ABCC1: variants seen among roughly 807,000 people sequenced by gnomAD.
The protein encoded by ABCC1 is ATP binding cassette subfamily C member 1 (ABCC1 blood group), also known as multidrug resistance-associated protein 1.
A neutral mutation model predicts 172.9 loss-of-function variants in ABCC1; 83 were observed. The ratio of observed to expected loss-of-function variants is 0.48; its 90% CI spans 0.40 to 0.58. The LOEUF is 0.58. Ranked by LOEUF, ABCC1 falls within the 20% of genes least tolerant of loss-of-function variation. The pLI is 0.00. For synonymous variants in ABCC1, 937 were observed against 825.2 expected (o/e 1.14, Z -2.32); for missense variants, 1,817 against 2,002.7 (o/e 0.91, Z 1.77).
chr16:15,963,898 T>G (rs2046190894), intron 1 of ABCC1, among the ~76,000 whole-genome samples: 1 of 152,192 alleles, frequency 6.6e-6, no homozygotes, highest in Admixed American at 6.5e-5. Flanking sequence ...TGAATTTCTC[T>G]TCAGAAAATG....
intron 23 of ABCC1, among the ~76,000 whole-genome samples, chr16:16,117,733 C>G (rs576673129): frequency 1.3e-5 from 2 of 152,270 alleles, no homozygotes; most frequent in South Asian, 4.1e-4. Flanking sequence ...TGGTGAAACC[C>G]CACCTCTACT....
chr16:16,101,023 T>A (rs2051718755), intron 19 of ABCC1, among the ~76,000 whole-genome samples: 1 of 151,906 alleles, frequency 6.6e-6, no homozygotes, highest in African/African-American at 2.4e-5. Flanking sequence ...AGATTTTTTT[T>A]TTATTTTTAT....
chr16:16,088,455 T>C (rs2051106454), intron 18 of ABCC1, among the ~76,000 whole-genome samples: 3 of 152,020 alleles, frequency 2.0e-5, no homozygotes, highest in Non-Finnish European at 4.4e-5. Flanking sequence ...AGAAAATATA[T>C]CTAAATAAAG....
At chr16:16,105,750 C>T (rs1415637931) in intron 20 of ABCC1, among the ~76,000 whole-genome samples, 2 of 143,094 alleles carry the variant, frequency 1.4e-5, no homozygotes, top group Admixed American at 7.3e-5. Flanking sequence ...CTCCCTCTGT[C>T]GCCCAGGCTG....
At chr16:16,126,346 T>C (rs915059218) in intron 26 of ABCC1, among the ~76,000 whole-genome samples, 10 of 152,144 alleles carry the variant, frequency 6.6e-5, no homozygotes, top group Non-Finnish European at 1.3e-4. Context: ...ACAGGACGGA[T>C]TCTGTCTATC....
In ABCC1 at chr16:16,036,554, G is replaced by T; in HGVS notation, c.760G>T (p.Val254Leu). Residue 254 changes from valine (V) to leucine (L), a missense_variant, in exon 7 of 31, where the codon GTG becomes TTG. By Grantham distance (32) the Val-to-Leu change is conservative (BLOSUM62 1). Transcript: ENST00000399410. Reference protein sequence around the residue: ...LNKEDTSEQVVPVLVKNWKKE... With the variant: ...LNKEDTSEQVLPVLVKNWKKE... The stretch of plus-strand genomic sequence containing the variant: ...CAAGGAGGACACGTCGGAACAAGTC[G>T]TGCCTGTTTTGGTAAAGAACTGGAA... 5 of 1,614,096 alleles carry T rather than the reference G, an allele frequency of 3.1e-6. No individual in the cohort carries two copies. The highest frequency in any genetic ancestry group is 4.2e-6 in the Non-Finnish European group (5 of 1,179,946).
intron 15 of ABCC1, among the ~76,000 whole-genome samples, chr16:16,077,189 A>G (rs2151976199): frequency 6.6e-6 from 1 of 152,306 alleles, no homozygotes; most frequent in East Asian, 1.9e-4. Flanking sequence ...CGCAAAACAC[A>G]GGGGTGATGG....
intron 1 of ABCC1, among the ~76,000 whole-genome samples, chr16:16,000,597 G>T (rs911764583): frequency 1.3e-5 from 2 of 151,898 alleles, no homozygotes; most frequent in Admixed American, 6.6e-5. Flanking sequence ...ATGGATTGTT[G>T]TTTAATTGTT....
chr16:16,097,731 C>A (rs866295675), intron 19 of ABCC1, among the ~76,000 whole-genome samples: 1 of 152,220 alleles, frequency 6.6e-6, no homozygotes, highest in South Asian at 2.1e-4. Context: ...TGACTATACA[C>A]TTGTCAGTCT....
chr16:16,133,260 T>G (rs2045773408), intron 27 of ABCC1, among the ~76,000 whole-genome samples: 1 of 152,216 alleles, frequency 6.6e-6, no homozygotes, highest in Non-Finnish European at 1.5e-5. Context: ...ACATATGGAC[T>G]TATTGAACTG....
At chr16:16,019,967 A>G (rs916183863) in intron 5 of ABCC1, among the ~76,000 whole-genome samples, 9 of 152,182 alleles carry the variant, frequency 5.9e-5, no homozygotes, top group Non-Finnish European at 1.3e-4. Flanking sequence ...TCTGTCGCCA[A>G]GGCTGTAGTG....
intron 11 of ABCC1, 99 bp downstream of exon 11, chr16:16,052,915 C>G: frequency 1.7e-6 from 2 of 1,173,958 alleles, no homozygotes. Context: ...CCCTGGGGTT[C>G]TCAGCCTTGC....
At chr16:16,104,977 C>A (rs7196296) in intron 20 of ABCC1, among the ~76,000 whole-genome samples, 59 of 151,932 alleles carry the variant, frequency 3.9e-4, no homozygotes, top group African/African-American at 9.9e-4. Context: ...CGCAAGCGCC[C>A]TGTGCAGCTC....
rs932494787 is a variant in ABCC1, at chr16:16,033,877, G to A, written c.677+707G>A. 4.6e-5 allele frequency among the ~76,000 whole-genome samples: 7 copies of A among 151,922 alleles called. 1 individual carries two copies. Among genetic ancestry groups the A allele is most frequent in the Non-Finnish European group, 8.8e-5 (6 of 67,996 alleles). Reference sequence around the variant, plus strand: ...TGACCTCAGGTGATCCACCCGCATCGACTTCCCAAAGTGCTGGGATTACAG... The same window carrying A: ...TGACCTCAGGTGATCCACCCGCATCAACTTCCCAAAGTGCTGGGATTACAG... On this transcript the variant is annotated intron_variant, in intron 6 of 30. Transcript: ENST00000399410.
At chr16:15,982,907 T>C (rs1459104443) in intron 1 of ABCC1, among the ~76,000 whole-genome samples, 2 of 151,500 alleles carry the variant, frequency 1.3e-5, no homozygotes, top group African/African-American at 4.8e-5. Flanking sequence ...CGCCAACTTA[T>C]GACCTATACA....
intron 7 of ABCC1, among the ~76,000 whole-genome samples, 151 bp from the exon 8 acceptor site, chr16:16,044,284 CTCTGGAGCCCGTGTT>C (rs1293224317): frequency 1.3e-5 from 2 of 151,004 alleles, no homozygotes; most frequent in Non-Finnish European, 2.9e-5. Flanking sequence ...GAGCCCGTGG[CTCTGGAGCCCGTGTT>C]TGTAACCACT....
At chr16:16,138,929 C>T (rs894266982) in intron 30 of ABCC1, among the ~76,000 whole-genome samples, 9 of 152,170 alleles carry the variant, frequency 5.9e-5, no homozygotes, top group Admixed American at 1.3e-4. Flanking sequence ...AGGCTGGTCT[C>T]GAACTCCTGA....
chr16:16,070,934 A>G (rs1290881019), intron 13 of ABCC1, among the ~76,000 whole-genome samples: 1 of 152,218 alleles, frequency 6.6e-6, no homozygotes, highest in African/African-American at 2.4e-5. Flanking sequence ...AGTTTTTACA[A>G]TAATACTCAG....
intron 16 of ABCC1, among the ~76,000 whole-genome samples, chr16:16,080,162 G>T (rs1389230922): frequency 6.6e-6 from 1 of 152,096 alleles, no homozygotes; most frequent in Non-Finnish European, 1.5e-5. Flanking sequence ...TACGCAGCCT[G>T]TGTCTCCTTC....
Sources: gnomAD v4.1 joint callset for allele counts (sites outside exome capture counted in the v4.1 genomes callset) on GRCh38, gnomAD v4.1.1 for gene constraint, MANE v1.5 for transcripts, NCBI Gene and HGNC (gene_info 2026-07-23, HGNC 2026-07-21) for gene names.